SPOCK1: variants seen among roughly 807,000 people sequenced by gnomAD.
The protein encoded by SPOCK1 is testican-1.
Under a neutral mutation model 55.3 loss-of-function variants are expected in SPOCK1, and 23 were observed. The observed-to-expected ratio is 0.42, with a 90% CI of 0.30 to 0.59. SPOCK1 has a LOEUF of 0.59. SPOCK1 is among the 20% of genes least tolerant of loss of function. SPOCK1 has a pLI of 0.22. For synonymous variants in SPOCK1, 226 were observed against 221.0 expected (o/e 1.02, Z -0.20); for missense variants, 499 against 552.5 (o/e 0.90, Z 0.97).
chr5:137,145,186 T>C (rs1290851445), intron 3 of SPOCK1, among the ~76,000 whole-genome samples: 1 of 152,196 alleles, frequency 6.6e-6, no homozygotes, highest in East Asian at 1.9e-4. Context: ...AAACCAAGAA[T>C]GAATTAATTT....
intron 6 of SPOCK1, among the ~76,000 whole-genome samples, chr5:137,026,950 G>A (rs1751687734): frequency 6.6e-6 from 1 of 152,212 alleles, no homozygotes. Flanking sequence ...TGATTCACCT[G>A]AATCCTGGCA....
At chr5:137,012,404 C>G (rs1751368175) in intron 6 of SPOCK1, among the ~76,000 whole-genome samples, 1 of 152,170 alleles carries the variant, frequency 6.6e-6, no homozygotes. Flanking sequence ...GTACATAATT[C>G]TTCCCTTTCT....
chr5:137,263,078 T>C (rs1283184251), intron 3 of SPOCK1, among the ~76,000 whole-genome samples: 1 of 152,174 alleles, frequency 6.6e-6, no homozygotes. Flanking sequence ...ACTTGGAGAA[T>C]CTGACTCCAA....
At chr5:137,231,712 T>A (rs899059919) in intron 3 of SPOCK1, among the ~76,000 whole-genome samples, 1 of 152,224 alleles carries the variant, frequency 6.6e-6, no homozygotes. Flanking sequence ...CATGTGCAGG[T>A]TCTTACATGA....
intron 3 of SPOCK1, among the ~76,000 whole-genome samples, chr5:137,184,373 C>CCTGG (rs1421839218): frequency 1.3e-5 from 2 of 152,130 alleles, no homozygotes; most frequent in Non-Finnish European, 2.9e-5. Flanking sequence ...CCTTCTCTCC[C>CCTGG]CTGGGCCCAC....
rs1481074566 is a variant in SPOCK1, at chr5:137,154,007, G to C, written c.233-13313C>G. On this transcript the variant is annotated intron_variant, in intron 3 of 10. Coordinates refer to ENST00000394945, the MANE Select transcript of SPOCK1 (RefSeq NM_004598.4). ...CACATTTTAAGAGTGATATAATAAG[G>C]CCGGGCATGGTGGCTCATGCCTGTA... 3.3e-5 allele frequency among the ~76,000 whole-genome samples: 5 copies of C among 152,078 alleles called. No individual in the cohort carries two copies. In the East Asian group the frequency reaches 9.7e-4, roughly 29 times the overall value.
In SPOCK1 at chr5:137,239,071, C is replaced by T. The variant is rs530454204; in HGVS notation, c.232+27939G>A. ...GGATGGGGGCTGGTTTCCAGAGGAG[C>T]CAACCATGTGATTAAAAGATTTTAA... On this transcript the variant is annotated intron_variant, in intron 3 of 10. Transcript: ENST00000394945. Among the ~76,000 whole-genome samples the T allele has an allele frequency of 3.2e-4, 49 of 152,278 alleles. No homozygotes were observed. The South Asian group carries it at 7.7e-3, about 24-fold the overall frequency.
chr5:137,445,765 A>G (rs1489269144), intron 2 of SPOCK1, among the ~76,000 whole-genome samples: 1 of 152,166 alleles, frequency 6.6e-6, no homozygotes, highest in Admixed American at 6.5e-5. Flanking sequence ...CTGACATAGG[A>G]CTTCAGACAT....
chr5:137,090,427 C>T (rs1415516996), intron 5 of SPOCK1, among the ~76,000 whole-genome samples: 1 of 152,214 alleles, frequency 6.6e-6, no homozygotes, highest in African/African-American at 2.4e-5. Flanking sequence ...AGATCACAGG[C>T]ATCTGGCACA....
At chr5:137,162,706 C>G (rs1310953053) in intron 3 of SPOCK1, among the ~76,000 whole-genome samples, 3 of 152,138 alleles carry the variant, frequency 2.0e-5, no homozygotes, top group African/African-American at 7.2e-5. Flanking sequence ...AGTCGACAAA[C>G]TCTAGCTTAG....
chr5:137,033,783 TG>T (rs1561585943), intron 6 of SPOCK1, among the ~76,000 whole-genome samples: 2 of 152,322 alleles, frequency 1.3e-5, no homozygotes, highest in East Asian at 3.9e-4. Flanking sequence ...TTTTATTTTT[TG>T]TAGAGATGAG....
chr5:137,276,779 C>G (rs1757075279), intron 2 of SPOCK1, among the ~76,000 whole-genome samples: 1 of 152,104 alleles, frequency 6.6e-6, no homozygotes, highest in South Asian at 2.1e-4. Flanking sequence ...ACTGGAAGGT[C>G]TCAGAGGGAT....
At chr5:137,218,231 G>A (rs1284025557) in intron 3 of SPOCK1, among the ~76,000 whole-genome samples, 1 of 152,244 alleles carries the variant, frequency 6.6e-6, no homozygotes, top group East Asian at 1.9e-4. Context: ...AGGGTTGGAA[G>A]TAGAATCTTG....
chr5:137,137,624 G>A (rs1366730118), intron 4 of SPOCK1, among the ~76,000 whole-genome samples: 1 of 152,140 alleles, frequency 6.6e-6, no homozygotes, highest in Non-Finnish European at 1.5e-5. Context: ...GAACCAGTGG[G>A]CCCAATTATC....
intron 3 of SPOCK1, among the ~76,000 whole-genome samples, chr5:137,145,225 G>C (rs1208628107): frequency 6.6e-6 from 1 of 152,160 alleles, no homozygotes; most frequent in African/African-American, 2.4e-5. Flanking sequence ...GTAAAGCATT[G>C]AATTCAAAAG....
chr5:137,071,952 C>T (rs1019941635), intron 5 of SPOCK1, among the ~76,000 whole-genome samples: 1 of 152,208 alleles, frequency 6.6e-6, no homozygotes. Context: ...CAGTTAGTGG[C>T]GCTTTGTTAC....
chr5:137,166,599 TAATAAC>T (rs973410154), intron 3 of SPOCK1, among the ~76,000 whole-genome samples: 2 of 152,002 alleles, frequency 1.3e-5, no homozygotes, highest in Non-Finnish European at 2.9e-5. Context: ...GAATCAGAAA[TAATAAC>T]TACAACAACT....
At chr5:137,221,570 T>C (rs756068679) in intron 3 of SPOCK1, among the ~76,000 whole-genome samples, 8 of 152,168 alleles carry the variant, frequency 5.3e-5, no homozygotes, top group East Asian at 1.9e-4. Context: ...CGATGAGATA[T>C]TTTCAGTTTC....
intron 3 of SPOCK1, among the ~76,000 whole-genome samples, chr5:137,207,517 T>C (rs1755540478): frequency 6.6e-6 from 1 of 152,228 alleles, no homozygotes; most frequent in Non-Finnish European, 1.5e-5. Context: ...ATGCTTTACC[T>C]GCAGGTAACA....
Sources: allele counts gnomAD v4.1 joint callset (sites outside exome capture counted in the v4.1 genomes callset), GRCh38; gene constraint gnomAD v4.1.1; transcripts MANE v1.5; gene names NCBI Gene and HGNC (gene_info 2026-07-23, HGNC 2026-07-21).